Variants in MAML3 observed in about 807,000 individuals in gnomAD.
MAML3 encodes the protein mastermind-like protein 3.
A neutral mutation model predicts 101.9 loss-of-function variants in MAML3; 27 were observed. That is an observed-to-expected ratio of 0.27 (90% CI 0.20 to 0.37). MAML3 has a LOEUF of 0.37. Ranked by LOEUF, MAML3 falls within the 10% of genes least tolerant of loss-of-function variation. The pLI is 1.00. For synonymous variants in MAML3, 501 were observed against 555.9 expected, an observed-to-expected ratio of 0.90 and a Z score of 1.39; for missense variants, 1,316 against 1,444.9, an observed-to-expected ratio of 0.91 and a Z score of 1.45.
At chr4:139,923,723 G>A (rs1377727751) in intron 1 of MAML3, among the ~76,000 whole-genome samples, 1 of 152,060 alleles carries the variant, frequency 6.6e-6, no homozygotes, top group East Asian at 1.9e-4. Flanking sequence ...ATATTTGGAT[G>A]TTTCCCTGCT....
At chr4:139,927,167 A>G (rs981584253) in intron 1 of MAML3, among the ~76,000 whole-genome samples, 3 of 148,712 alleles carry the variant, frequency 2.0e-5, no homozygotes, top group Non-Finnish European at 4.4e-5. Flanking sequence ...CAAGTGATCC[A>G]CCCACCTTGG....
intron 2 of MAML3, among the ~76,000 whole-genome samples, chr4:139,775,230 TACTC>T (rs140467499): frequency 0.048 from 7,367 of 152,208 alleles, 260 homozygotes; most frequent in Non-Finnish European, 0.074. Flanking sequence ...TGACTGCAGT[TACTC>T]ACACAATAAA....
chr4:140,126,911 T>C (rs933075835), intron 1 of MAML3, among the ~76,000 whole-genome samples: 25 of 152,236 alleles, frequency 1.6e-4, no homozygotes, highest in Admixed American at 6.5e-4. Flanking sequence ...TTGAAAATGG[T>C]CTCCTATCTC....
At chr4:139,832,121 T>TC (rs1159780751) in intron 2 of MAML3, among the ~76,000 whole-genome samples, 2 of 129,270 alleles carry the variant, frequency 1.5e-5, no homozygotes, top group African/African-American at 6.4e-5. Context: ...TTTTTTTTTT[T>TC]TGAGACAGAG....
chr4:139,852,403 G>GT (rs67349785), intron 2 of MAML3, among the ~76,000 whole-genome samples: 2,749 of 68,386 alleles, frequency 0.04, 565 homozygotes, highest in African/African-American at 0.055. Context: ...TCAGAAGACT[G>GT]TTTTTTTTTT....
At chr4:139,965,587 T>C (rs935557321) in intron 1 of MAML3, among the ~76,000 whole-genome samples, 6 of 152,220 alleles carry the variant, frequency 3.9e-5, no homozygotes, top group African/African-American at 1.4e-4. Flanking sequence ...AAAACTGCAA[T>C]TGTAGCCAAA....
intron 1 of MAML3, among the ~76,000 whole-genome samples, chr4:140,085,443 A>G (rs1727936485): frequency 6.6e-6 from 1 of 152,158 alleles, no homozygotes; most frequent in Non-Finnish European, 1.5e-5. Context: ...GGTTACCTGA[A>G]TCACACTGTG....
At chr4:139,904,779 T>C (rs1403615544) in intron 1 of MAML3, among the ~76,000 whole-genome samples, 1 of 152,158 alleles carries the variant, frequency 6.6e-6, no homozygotes, top group Non-Finnish European at 1.5e-5. Flanking sequence ...ACAAGCCTAA[T>C]ATCCTATTAC....
Position 140,139,676 on chromosome 4 carries a change from C to T in MAML3, c.468+13184G>A, listed in dbSNP as rs1237386217. On this transcript the variant is annotated intron_variant, in intron 1 of 4. Transcript: ENST00000509479. Reference sequence around the variant, plus strand: ...ATGTTTATTGCAACAGCTGTAATCTCGATAGTCTTTGGAAAATAGTTTTTA... The same window carrying T: ...ATGTTTATTGCAACAGCTGTAATCTTGATAGTCTTTGGAAAATAGTTTTTA... 2.6e-5 allele frequency among the ~76,000 whole-genome samples: 4 copies of T among 152,158 alleles called. No homozygotes were observed. The South Asian group carries it at 8.3e-4, about 32-fold the overall frequency.
chr4:139,865,487 T>G (rs1394807518), intron 2 of MAML3, among the ~76,000 whole-genome samples: 2 of 22,000 alleles, frequency 9.1e-5, no homozygotes, highest in Admixed American at 6.3e-4. Context: ...TGTAAAAGGT[T>G]TTTTTTTTGT....
At chr4:139,900,232 T>C (rs1392125936) in intron 1 of MAML3, among the ~76,000 whole-genome samples, 1 of 152,258 alleles carries the variant, frequency 6.6e-6, no homozygotes, top group Non-Finnish European at 1.5e-5. Context: ...GTTTGGAACA[T>C]GAGCACCCAT....
intron 1 of MAML3, among the ~76,000 whole-genome samples, chr4:139,950,518 T>C (rs1733814587): frequency 6.6e-6 from 1 of 152,182 alleles, no homozygotes; most frequent in Non-Finnish European, 1.5e-5. Context: ...TATCACCTTT[T>C]TCACAGGAGA....
intron 2 of MAML3, among the ~76,000 whole-genome samples, chr4:139,778,982 CAA>C (rs67782985): frequency 0.26 from 26,149 of 100,334 alleles, 2,333 homozygotes; most frequent in Non-Finnish European, 0.27. Flanking sequence ...GACTCCACCT[CAA>C]AAAAAAAAAA....
intron 2 of MAML3, among the ~76,000 whole-genome samples, chr4:139,733,905 T>A (rs1728824224): frequency 6.6e-6 from 1 of 152,232 alleles, no homozygotes; most frequent in Non-Finnish European, 1.5e-5. Context: ...TTGCCCAAGC[T>A]GGTCTTGAAC....
chr4:139,840,293 G>C (rs186578664), intron 2 of MAML3, among the ~76,000 whole-genome samples: 1 of 152,236 alleles, frequency 6.6e-6, no homozygotes, highest in Non-Finnish European at 1.5e-5. Context: ...CCACAGAGCA[G>C]TTGGTAAATT....
intron 1 of MAML3, 47 bp downstream of exon 1, chr4:140,152,813 C>T (rs1360848007): frequency 1.9e-6 from 3 of 1,579,330 alleles, no homozygotes; most frequent in African/African-American, 2.7e-5. Context: ...CCACCACCAC[C>T]ACCACCCCCA....
chr4:140,152,389 A>G (rs940646872), intron 1 of MAML3, among the ~76,000 whole-genome samples: 7 of 151,974 alleles, frequency 4.6e-5, no homozygotes, highest in African/African-American at 1.5e-4. Context: ...GACAGCATCA[A>G]TATTTCCACG....
chr4:140,131,904 T>C (rs1728800349), intron 1 of MAML3, among the ~76,000 whole-genome samples: 1 of 152,232 alleles, frequency 6.6e-6, no homozygotes, highest in African/African-American at 2.4e-5. Context: ...CCCACATACA[T>C]TCAGGATTGC....
intron 1 of MAML3, among the ~76,000 whole-genome samples, chr4:140,075,501 T>A (rs1393914141): frequency 6.6e-6 from 1 of 152,222 alleles, no homozygotes; most frequent in African/African-American, 2.4e-5. Context: ...TTATATATTT[T>A]AAAGCACAAT....
Sources: allele counts gnomAD v4.1 joint callset (sites outside exome capture counted in the v4.1 genomes callset), GRCh38; gene constraint gnomAD v4.1.1; transcripts MANE v1.5; gene names NCBI Gene and HGNC (gene_info 2026-07-23, HGNC 2026-07-21).